GSTO1: variants seen among roughly 807,000 people sequenced by gnomAD.
GSTO1 encodes the protein glutathione S-transferase omega 1, also known as glutathione S-transferase omega-1.
Under a neutral mutation model 23.8 loss-of-function variants are expected in GSTO1, and 27 were observed. The observed-to-expected ratio is 1.13, with a 90% CI of 0.83 to 1.56. The LOEUF (loss-of-function observed/expected upper bound fraction) is 1.56, where lower values mean the gene tolerates loss of function less well. GSTO1 is among the 40% of genes most tolerant of loss of function. The pLI, the probability that GSTO1 is intolerant of heterozygous loss-of-function variation, is 0.00. For missense variants in GSTO1, 255 were observed against 285.8 expected (o/e 0.89, Z 0.78); for synonymous variants, 105 against 109.3 (o/e 0.96, Z 0.25).
chr10:104,256,787 TA>T (rs559189356), intron 2 of GSTO1, among the ~76,000 whole-genome samples: 1 of 152,048 alleles, frequency 6.6e-6, no homozygotes, highest in Admixed American at 6.5e-5. Flanking sequence ...TTTTTTTTTT[TA>T]AATAACAAAA....
At position 104,263,077 on chromosome 10, in the gene GSTO1, G is replaced by GAA; in HGVS notation, c.465_465+1insAA (p.Val156LysfsTer3). 1 of 1,216,534 alleles carries GAA rather than the reference G, an allele frequency of 8.2e-7. No homozygotes were observed. Among genetic ancestry groups the GAA allele is most frequent in the Non-Finnish European group, 1.2e-6 (1 of 828,196 alleles). The allele number at this position is 1,216,534 out of a possible 1,614,324, so 75.4% of individuals were successfully genotyped here. On this transcript the variant is annotated frameshift_variant and splice_region_variant. Transcript: ENST00000369713. LOFTEE classifies it high-confidence loss of function. ...GTAAAGAATTTACCAAGCTAGAGGA[G>GAA]GTAATTATTTCTCCTAGCTATCATC... is the stretch of plus-strand genomic sequence containing the variant.
chr10:104,265,160 C>G (rs1162102399), intron 4 of GSTO1, among the ~76,000 whole-genome samples: 1 of 152,196 alleles, frequency 6.6e-6, no homozygotes, highest in Admixed American at 6.5e-5. Context: ...GTACCCAAAG[C>G]ATAAAAACAC....
At chr10:104,266,027 T>C in intron 4 of GSTO1, 57 bp from the exon 5 acceptor site, 5 of 888,916 alleles carry the variant, frequency 5.6e-6, no homozygotes, top group Non-Finnish European at 9.5e-6. Flanking sequence ...TCAGCATTTC[T>C]AGTGAGTCTT....
intron 2 of GSTO1, among the ~76,000 whole-genome samples, chr10:104,256,726 T>C (rs796326097): frequency 8.5e-5 from 13 of 152,314 alleles, no homozygotes; most frequent in African/African-American, 3.1e-4. Context: ...TGTGTAGACT[T>C]GTTGGCTCAC....
chr10:104,256,775 C>CT (rs35776315), intron 2 of GSTO1, among the ~76,000 whole-genome samples: 3,317 of 146,452 alleles, frequency 0.023, 124 homozygotes, highest in African/African-American at 0.076. Flanking sequence ...TTCTGACATA[C>CT]TTTTTTTTTT....
intron 2 of GSTO1, among the ~76,000 whole-genome samples, chr10:104,257,232 A>C (rs1333361987): frequency 6.6e-6 from 1 of 151,994 alleles, no homozygotes. Flanking sequence ...TATAGCCTGG[A>C]CTTCACCTGT....
In GSTO1 at chr10:104,256,886, A is replaced by T. The variant is rs1380762434; in HGVS notation, c.143+1615A>T. ...TAATTCTTTGGCAAGGAGCCAAATA[A>T]TTTTTTTTTTTTTTGCAATGGCTGG... On this transcript the variant is annotated intron_variant, in intron 2 of 5. Transcript: ENST00000369713. 1.0e-4 allele frequency among the ~76,000 whole-genome samples: 15 copies of T among 144,782 alleles called. No individual in the cohort carries two copies. The South Asian group carries it at 2.4e-3, about 23-fold the overall frequency. 95.0% of individuals were successfully genotyped at this position (144,782 alleles called of 152,430 possible). A position where few individuals can be genotyped will look rare whatever the true frequency, so the allele number is the denominator to read the frequency against.
rs1346508228 is a variant in GSTO1 at position 104,263,023 on chromosome 10, A to C, written c.411A>C (p.Glu137Asp). 2.1e-5 allele frequency: 32 copies of C among 1,553,582 alleles called. No individual in the cohort carries two copies. Among genetic ancestry groups the C allele is most frequent in the Non-Finnish European group, 2.8e-5 (32 of 1,126,386 alleles). Residue 137 changes from glutamate (E) to aspartate (D), a missense_variant, in exon 4 of 6, where the codon GAA becomes GAC. By Grantham distance (45) the Glu-to-Asp change is conservative. Coordinates refer to ENST00000369713, the MANE Select transcript of GSTO1 (RefSeq NM_004832.3). ...GCTTTATTAGAAGCCAAAATAAAGA[A>C]GACTATGCTGGCCTAAAAGAAGAAT... The part of the protein sequence containing the change: ...VGSFIRSQNK[E>D]DYAGLKEEFR...
chr10:104,259,462 C>G (rs777155630), intron 2 of GSTO1, 114 bp from the exon 3 acceptor site: 1 of 637,688 alleles, frequency 1.6e-6, no homozygotes, highest in Admixed American at 2.9e-5. Context: ...GGAATCTAGG[C>G]AGACTCCTAA....
chr10:104,254,726 T>A (rs985805471), upstream of GSTO1: 1 of 616,524 alleles, frequency 1.6e-6, no homozygotes, highest in East Asian at 2.8e-5. Context: ...GCCAGCGAGA[T>A]GCTTTGACAC....
At chr10:104,262,484 A>G (rs1308183869) in intron 3 of GSTO1, among the ~76,000 whole-genome samples, 3 of 152,064 alleles carry the variant, frequency 2.0e-5, no homozygotes, top group African/African-American at 7.2e-5. Flanking sequence ...GCTGAGGCAG[A>G]TGGATCACCT....
chr10:104,266,272 G>C, intron 5 of GSTO1, 82 bp downstream of exon 5: 7 of 770,046 alleles, frequency 9.1e-6, no homozygotes, highest in Non-Finnish European at 2.3e-6. Flanking sequence ...AACAGAAGTT[G>C]AAATATTTAA....
intron 4 of GSTO1, among the ~76,000 whole-genome samples, chr10:104,263,753 C>CT (rs899896667): frequency 3.1e-4 from 46 of 148,344 alleles, no homozygotes; most frequent in Admixed American, 5.9e-4. Context: ...TTTCAGAAAC[C>CT]TTTTTTTCAT....
chr10:104,255,752 G>C (rs942875951), intron 2 of GSTO1, among the ~76,000 whole-genome samples: 1 of 152,210 alleles, frequency 6.6e-6, no homozygotes, highest in Non-Finnish European at 1.5e-5. Flanking sequence ...GGGTAGTGCT[G>C]AGTTTACTGC....
intron 4 of GSTO1, among the ~76,000 whole-genome samples, chr10:104,263,915 AT>A (rs571250429): frequency 0.078 from 11,481 of 146,598 alleles, 1,368 homozygotes; most frequent in African/African-American, 0.26. Context: ...CTATTGACAA[AT>A]TTTTTTTTTT....
Position 104,263,038 on chromosome 10 carries a change from A to G in GSTO1, c.426A>G (p.Leu142=), listed in dbSNP as rs1325405813. 3 of 1,538,324 alleles carry G rather than the reference A, an allele frequency of 2.0e-6. No homozygotes were observed. Among genetic ancestry groups the G allele is most frequent in the African/African-American group, 2.7e-5 (2 of 73,952 alleles). Residue 142 remains leucine (L), a synonymous_variant, in exon 4 of 6, where the codon CTA becomes CTG. Coordinates refer to ENST00000369713, the MANE Select transcript of GSTO1 (RefSeq NM_004832.3). ...RSQNKEDYAG[L]KEEFRKEFTK... ...AAAATAAAGAAGACTATGCTGGCCTAAAAGAAGAATTTCGTAAAGAATTTA... is the reference window on the plus strand; with the variant it reads ...AAAATAAAGAAGACTATGCTGGCCTGAAAGAAGAATTTCGTAAAGAATTTA...
Position 104,262,972 on chromosome 10 carries a change from T to A in GSTO1, c.367-7T>A. On this transcript the variant is annotated splice_region_variant and splice_polypyrimidine_tract_variant and intron_variant, in intron 3 of 5. Transcript: ENST00000369713. Reference sequence around the variant, plus strand: ...ACTGATAAACTAAGAAATTATTCTCTGTCTAGGTGCCATCCTTGGTAGGAA... The same window carrying A: ...ACTGATAAACTAAGAAATTATTCTCAGTCTAGGTGCCATCCTTGGTAGGAA... 1 of 1,242,286 alleles carries A rather than the reference T, an allele frequency of 8.0e-7. No individual in the cohort carries two copies. The highest frequency in any genetic ancestry group is 1.2e-6 in the Non-Finnish European group (1 of 854,098). The allele number at this position is 1,242,286 out of a possible 1,614,324, so 77.0% of individuals were successfully genotyped here.
chr10:104,254,812 G>A (rs1028432732), upstream of GSTO1: 11 of 1,005,920 alleles, frequency 1.1e-5, no homozygotes, highest in Non-Finnish European at 1.7e-5. Flanking sequence ...GCCGCCGGGG[G>A]CAGGCACTTT....
chr10:104,267,009 T>G (rs1348833844), intron 5 of GSTO1, among the ~76,000 whole-genome samples: 2 of 152,206 alleles, frequency 1.3e-5, no homozygotes, highest in South Asian at 2.1e-4. Context: ...TTTCTCTCTT[T>G]GGGCAAGTTC....
Sources: gnomAD v4.1 joint callset for allele counts (sites outside exome capture counted in the v4.1 genomes callset) on GRCh38, gnomAD v4.1.1 for gene constraint, MANE v1.5 for transcripts, NCBI Gene and HGNC (gene_info 2026-07-23, HGNC 2026-07-21) for gene names.